CD28: variants seen among roughly 807,000 people sequenced by gnomAD.
The protein encoded by CD28 is T-cell-specific surface glycoprotein CD28.
Under a neutral mutation model 21.4 loss-of-function variants are expected in CD28, and 8 were observed. The observed-to-expected ratio is 0.37, with a 90% CI of 0.22 to 0.68. The LOEUF is 0.68. Among genes scored for constraint, CD28 ranks in the 30% least tolerant of loss-of-function variants. The pLI, the probability that CD28 is intolerant of heterozygous loss-of-function variation, is 0.55. For synonymous variants in CD28, 106 were observed against 104.0 expected (o/e 1.02, Z -0.12); for missense variants, 239 against 272.2 (o/e 0.88, Z 0.86).
chr2:203,718,523 T>C (rs533848941), intron 1 of CD28, among the ~76,000 whole-genome samples: 1 of 152,336 alleles, frequency 6.6e-6, no homozygotes, highest in South Asian at 2.1e-4. Context: ...TGAAATTCTG[T>C]TCAGTCCGAA....
chr2:203,736,579 C>T lies in CD28; in HGVS notation c.*1667C>T, dbSNP rs182722882. The T allele has an allele frequency of 6.6e-6, 1 of 152,174 alleles. No homozygotes were observed. The highest frequency in any genetic ancestry group is 2.1e-4 in the South Asian group (1 of 4,824). 9.4% of individuals were successfully genotyped at this position (152,174 alleles called of 1,614,324 possible). On this transcript the variant is annotated 3_prime_UTR_variant, in exon 4 of 4. Coordinates refer to ENST00000324106, the MANE Select transcript of CD28 (RefSeq NM_006139.4). ...TGAAATGACCATGGATATTTTTCTA[C>T]CTACAGTTTGAGTCAACTAGAATAT... is the stretch of plus-strand genomic sequence containing the variant.
At chr2:203,727,686 A>ATT (rs68139062) in intron 2 of CD28, among the ~76,000 whole-genome samples, 7 of 140,342 alleles carry the variant, frequency 5.0e-5, no homozygotes, top group Non-Finnish European at 4.6e-5. Flanking sequence ...TAATTAATTA[A>ATT]TTTTTTTTTT....
At chr2:203,721,557 C>T (rs1204312461) in intron 1 of CD28, among the ~76,000 whole-genome samples, 1 of 151,976 alleles carries the variant, frequency 6.6e-6, no homozygotes, top group Non-Finnish European at 1.5e-5. Context: ...CACACTCTCC[C>T]ACCTCACCCC....
chr2:203,729,838 A>G lies in CD28; in HGVS notation c.534+66A>G, dbSNP rs576143235. On this transcript the variant is annotated intron_variant, in intron 3 of 3. Transcript: ENST00000324106. ...CACATGAAATCTGAACACATTCAAG[A>G]ATTTTGCCTATGTGGTTTATTTTCT... is the stretch of plus-strand genomic sequence containing the variant. 13 of 1,537,344 alleles carry G rather than the reference A, an allele frequency of 8.5e-6. No individual in the cohort carries two copies. The East Asian group carries it at 2.7e-4, about 32-fold the overall frequency.
intron 1 of CD28, 110 bp downstream of exon 1, chr2:203,706,858 A>G (rs1693170919): frequency 1.2e-6 from 1 of 843,976 alleles, no homozygotes; most frequent in Non-Finnish European, 2.0e-6. Context: ...TTTGAAGTGT[A>G]GTTTTGCTGT....
chr2:203,724,429 A>C (rs1046514690), intron 1 of CD28, among the ~76,000 whole-genome samples: 1 of 152,236 alleles, frequency 6.6e-6, no homozygotes, highest in South Asian at 2.1e-4. Context: ...AAGAAAAAAA[A>C]CTTAGTATCA....
At chr2:203,733,101 G>C (rs571956030) in intron 3 of CD28, among the ~76,000 whole-genome samples, 1 of 152,130 alleles carries the variant, frequency 6.6e-6, no homozygotes, top group Non-Finnish European at 1.5e-5. Flanking sequence ...CTCATCTGGG[G>C]ACAGACATTT....
chr2:203,726,627 C>T lies in CD28; in HGVS notation c.53-6C>T. On this transcript the variant is annotated splice_region_variant and splice_polypyrimidine_tract_variant and intron_variant, in intron 1 of 3. Coordinates refer to ENST00000324106, the MANE Select transcript of CD28 (RefSeq NM_006139.4). ...GTTCTAAGCAAATGATTTTTTTTTC[C>T]CCCAGGAAACAAGATTTTGGTGAAG... 6 of 1,579,592 alleles carry T rather than the reference C, an allele frequency of 3.8e-6. No individual in the cohort carries two copies. Among genetic ancestry groups the T allele is most frequent in the Admixed American group, 1.9e-5 (1 of 53,514 alleles).
At chr2:203,722,166 A>G (rs1693619699) in intron 1 of CD28, among the ~76,000 whole-genome samples, 1 of 152,148 alleles carries the variant, frequency 6.6e-6, no homozygotes, top group African/African-American at 2.4e-5. Context: ...TAGAAACACA[A>G]TTCCCAGGGC....
chr2:203,713,554 T>C (rs989113433), intron 1 of CD28, among the ~76,000 whole-genome samples: 2 of 150,924 alleles, frequency 1.3e-5, no homozygotes, highest in Admixed American at 6.6e-5. Context: ...GGGAAAGGAG[T>C]GAATAATGGC....
intron 1 of CD28, among the ~76,000 whole-genome samples, chr2:203,717,596 T>C (rs1693495258): frequency 6.6e-6 from 1 of 152,234 alleles, no homozygotes; most frequent in Non-Finnish European, 1.5e-5. Context: ...ATTTGGGATC[T>C]GGAATGAGAC....
intron 3 of CD28, among the ~76,000 whole-genome samples, chr2:203,731,827 T>TTAAAA (rs1418285439): frequency 6.6e-6 from 1 of 152,198 alleles, no homozygotes; most frequent in Non-Finnish European, 1.5e-5. Context: ...AATTTTATTT[T>TTAAAA]TGTTTTACTT....
chr2:203,713,155 G>A (rs1012007037), intron 1 of CD28, among the ~76,000 whole-genome samples: 1 of 152,220 alleles, frequency 6.6e-6, no homozygotes, highest in South Asian at 2.1e-4. Flanking sequence ...AATGTGTGAG[G>A]TTATGGTGAA....
At position 203,706,706 on chromosome 2, in the gene CD28, C is replaced by T. The variant is rs1338789266; in HGVS notation, c.10C>T (p.Leu4=). Residue 4 remains leucine (L), a synonymous_variant, in exon 1 of 4, where the codon CTG becomes TTG. Transcript: ENST00000324106. MLR[L]LLALNLFPSI... is the part of the protein sequence containing the mutation. ...CATCGTCAGGACAAAGATGCTCAGG[C>T]TGCTCTTGGCTCTCAACTTATTCCC... 6.2e-7 allele frequency: 1 copy of T among 1,614,090 alleles called. No homozygotes were observed. The highest frequency in any genetic ancestry group is 1.7e-5 in the Admixed American group (1 of 60,020).
At chr2:203,716,015 G>C (rs1693453531) in intron 1 of CD28, among the ~76,000 whole-genome samples, 2 of 152,104 alleles carry the variant, frequency 1.3e-5, no homozygotes, top group African/African-American at 4.8e-5. Flanking sequence ...ACTCCTCAAG[G>C]CTGTGCTAAC....
rs771716313 is a variant in CD28 at position 203,726,765 on chromosome 2, C to T, written c.185C>T (p.Ala62Val). ...TCCCTTCACAAAGGACTGGATAGTG[C>T]TGTGGAAGTCTGTGTTGTATATGGG... Reference protein sequence around the residue: ...RASLHKGLDSAVEVCVVYGNY... With the variant: ...RASLHKGLDSVVEVCVVYGNY... Residue 62 changes from alanine to valine, a missense_variant, in exon 2 of 4, where the codon GCT becomes GTT. By Grantham distance (64) the Ala-to-Val change is moderately conservative. This residue lies in a region of CD28 where 104 missense variants were observed against 108.5 expected (regional missense o/e 0.96). Transcript: ENST00000324106. 6.2e-7 allele frequency: 1 copy of T among 1,614,070 alleles called. No individual in the cohort carries two copies. Among genetic ancestry groups the T allele is most frequent in the Non-Finnish European group, 8.5e-7 (1 of 1,179,974 alleles).
chr2:203,726,283 C>G (rs1315319589), intron 1 of CD28, among the ~76,000 whole-genome samples: 1 of 152,124 alleles, frequency 6.6e-6, no homozygotes, highest in Admixed American at 6.5e-5. Flanking sequence ...CCAAATATAT[C>G]ACTCAGTCAG....
intron 3 of CD28, among the ~76,000 whole-genome samples, chr2:203,732,355 C>T (rs1693917122): frequency 6.6e-6 from 1 of 152,182 alleles, no homozygotes; most frequent in Non-Finnish European, 1.5e-5. Flanking sequence ...CAGGCCAGCA[C>T]CTGTCACTGT....
At chr2:203,726,599 C>T (rs760607675) in intron 1 of CD28, 34 bp from the exon 2 acceptor site, 2 of 1,494,352 alleles carry the variant, frequency 1.3e-6, no homozygotes, top group Non-Finnish European at 1.8e-6. Context: ...TCCTTATATT[C>T]TTGTTCTAAG....
Sources: gnomAD v4.1 joint callset for allele counts (sites outside exome capture counted in the v4.1 genomes callset) on GRCh38, gnomAD v4.1.1 for gene constraint, gnomAD v4.1.1 regional missense constraint, MANE v1.5 for transcripts, NCBI Gene and HGNC (gene_info 2026-07-23, HGNC 2026-07-21) for gene names.